PDE4D: variants seen among roughly 807,000 people sequenced by gnomAD.
PDE4D encodes the protein phosphodiesterase 4D, also known as 3',5'-cyclic-AMP phosphodiesterase 4D.
A neutral mutation model predicts 87.4 loss-of-function variants in PDE4D; 24 were observed. That is an observed-to-expected ratio of 0.27 (90% confidence interval 0.20 to 0.39). The LOEUF (loss-of-function observed/expected upper bound fraction) is 0.39. Ranked by LOEUF, PDE4D falls within the 10% of genes least tolerant of loss-of-function variation. The pLI, the probability that PDE4D is intolerant of heterozygous loss-of-function variation, is 1.00. For missense variants in PDE4D, 714 were observed against 1,041.0 expected (o/e 0.69, Z 4.32); for synonymous variants, 384 against 383.2 (o/e 1.00, Z -0.02).
intron 1 of PDE4D, among the ~76,000 whole-genome samples, chr5:59,760,729 T>C (rs1177979238): frequency 1.3e-5 from 2 of 152,198 alleles, no homozygotes; most frequent in African/African-American, 4.8e-5. Flanking sequence ...TACCCATGAA[T>C]ATTAGTTTTT....
chr5:59,193,357 T>C (rs569718199), intron 3 of PDE4D, 143 bp downstream of exon 3: 25 of 797,464 alleles, frequency 3.1e-5, no homozygotes, highest in Admixed American at 1.3e-4. Context: ...TAGCATTGCT[T>C]TTGAATTGCT....
chr5:59,120,256 T>TAAA (rs911637904), intron 5 of PDE4D, among the ~76,000 whole-genome samples: 2 of 152,176 alleles, frequency 1.3e-5, no homozygotes, highest in Non-Finnish European at 2.9e-5. Context: ...ACACTTTTTA[T>TAAA]AAACAAGCTG....
chr5:59,559,137 A>G (rs1226638292), intron 1 of PDE4D, among the ~76,000 whole-genome samples: 2 of 152,220 alleles, frequency 1.3e-5, no homozygotes, highest in Non-Finnish European at 2.9e-5. Context: ...TTATTAAATG[A>G]GTCTATTAGC....
intron 1 of PDE4D, among the ~76,000 whole-genome samples, chr5:59,823,978 C>A (rs1350914696): frequency 9.9e-5 from 15 of 151,676 alleles, no homozygotes; most frequent in Admixed American, 9.2e-4. Flanking sequence ...CTCTCCATTG[C>A]ATCACCCAGT....
At chr5:60,026,190 C>A (rs1294812617) in intron 2 of PDE4D, among the ~76,000 whole-genome samples, 5 of 152,168 alleles carry the variant, frequency 3.3e-5, no homozygotes, top group African/African-American at 1.2e-4. Context: ...ATTCATATTT[C>A]TTCATTGAAA....
intron 1 of PDE4D, among the ~76,000 whole-genome samples, chr5:60,500,157 T>C (rs776842274): frequency 4.6e-5 from 7 of 151,408 alleles, no homozygotes; most frequent in Non-Finnish European, 8.8e-5. Flanking sequence ...ATAAAAAAAT[T>C]AGCTGGGTGT....
chr5:60,344,931 A>G (rs1758616142), intron 1 of PDE4D, among the ~76,000 whole-genome samples: 1 of 152,132 alleles, frequency 6.6e-6, no homozygotes, highest in Non-Finnish European at 1.5e-5. Context: ...AAATACGAAG[A>G]GTATAAAGGA....
At position 60,308,583 on chromosome 5, in the gene PDE4D, G is replaced by A. The variant is rs1233513444; in HGVS notation, c.-89-122896C>T. 5.9e-5 allele frequency among the ~76,000 whole-genome samples: 9 copies of A among 152,172 alleles called. No homozygotes were observed. The East Asian group carries it at 1.3e-3, about 23-fold the overall frequency. ...TAAAAAGTAGAGCCAGAAACCCCAC[G>A]AAGGCTTGTGTTTCTAAATGTTGCC... On this transcript the variant is annotated intron_variant, in intron 1 of 16. Coordinates refer to the PDE4D transcript ENST00000502484.
chr5:60,499,461 C>A (rs1204338773), intron 1 of PDE4D, among the ~76,000 whole-genome samples: 1 of 152,158 alleles, frequency 6.6e-6, no homozygotes, highest in Non-Finnish European at 1.5e-5. Flanking sequence ...TTAAAACTGT[C>A]ATGAAAGTTG....
At position 59,848,558 on chromosome 5, in the gene PDE4D, T is replaced by G. The variant is rs954921951; in HGVS notation, c.455+44610A>C. Among the ~76,000 whole-genome samples, 3 of 148,724 alleles carry G rather than the reference T, an allele frequency of 2.0e-5. No individual in the cohort carries two copies. In the East Asian group the frequency reaches 5.8e-4, roughly 29 times the overall value. On this transcript the variant is annotated intron_variant, in intron 1 of 14. Transcript: ENST00000340635. ...CTTTCTAATGCGATTAAATGCAGAT[T>G]ATCAAACTGCATGTATCTATGTATA...
intron 1 of PDE4D, among the ~76,000 whole-genome samples, chr5:59,381,013 T>C (rs1785706113): frequency 6.6e-6 from 1 of 152,164 alleles, no homozygotes; most frequent in Non-Finnish European, 1.5e-5. Context: ...AAGGCTAAAA[T>C]ATTTACTATC....
intron 1 of PDE4D, among the ~76,000 whole-genome samples, chr5:59,428,810 G>A (rs1795688575): frequency 6.6e-6 from 1 of 152,058 alleles, no homozygotes; most frequent in Admixed American, 6.6e-5. Context: ...AGCTCCAGAT[G>A]TAATAAGTTA....
Position 60,427,362 on chromosome 5 carries a change from A to C in PDE4D, c.-90+60580T>G, listed in dbSNP as rs1743813746. Among the ~76,000 whole-genome samples the C allele has an allele frequency of 2.6e-5, 4 of 152,326 alleles. No homozygotes were observed. In the South Asian group the frequency reaches 8.3e-4, roughly 32 times the overall value. ...CAAGGATAAGAATGATCATGGGCTT[A>C]TGAGAAACAGTGGGGACTGAAAACC... On this transcript the variant is annotated intron_variant, in intron 1 of 16. Transcript: ENST00000502484.
At chr5:60,283,433 C>T (rs551654783) in intron 1 of PDE4D, among the ~76,000 whole-genome samples, 32 of 152,096 alleles carry the variant, frequency 2.1e-4, no homozygotes, top group Non-Finnish European at 4.1e-4. Context: ...TGCTCCTAAT[C>T]ATTTGATGTA....
chr5:59,268,978 G>T (rs1275902008), intron 1 of PDE4D, among the ~76,000 whole-genome samples: 1 of 151,902 alleles, frequency 6.6e-6, no homozygotes, highest in Admixed American at 6.6e-5. Context: ...TGATTCAATA[G>T]AATTCACTAC....
chr5:59,257,073 T>C (rs1761123403), intron 1 of PDE4D, among the ~76,000 whole-genome samples: 1 of 152,086 alleles, frequency 6.6e-6, no homozygotes, highest in Non-Finnish European at 1.5e-5. Flanking sequence ...TGTTATGATG[T>C]TGAAATAATT....
chr5:59,962,479 A>G lies in PDE4D; in HGVS notation c.272+26009T>C, dbSNP rs550662529. On this transcript the variant is annotated intron_variant, in intron 3 of 16. Coordinates refer to the PDE4D transcript ENST00000502484. ...AGTCAACATACACACCCACAAACAC[A>G]CACACCACATCGAATGCCCTGAAAT... Among the ~76,000 whole-genome samples, 74 of 152,236 alleles carry G rather than the reference A, an allele frequency of 4.9e-4. No individual in the cohort carries two copies. In the Middle Eastern group the frequency reaches 0.01, roughly 21 times the overall value.
intron 1 of PDE4D, among the ~76,000 whole-genome samples, chr5:59,367,124 G>T (rs1043779706): frequency 6.6e-6 from 1 of 152,138 alleles, no homozygotes; most frequent in Non-Finnish European, 1.5e-5. Flanking sequence ...TTCAAAGAAC[G>T]TGTATTTGCA....
chr5:59,479,854 T>C (rs1803946556), intron 1 of PDE4D, among the ~76,000 whole-genome samples: 1 of 152,124 alleles, frequency 6.6e-6, no homozygotes, highest in Admixed American at 6.6e-5. Context: ...TATTTAGTCA[T>C]AAGCTTAATC....
Sources: gnomAD v4.1 joint callset for allele counts (sites outside exome capture counted in the v4.1 genomes callset) on GRCh38, gnomAD v4.1.1 for gene constraint, MANE v1.5 for transcripts, NCBI Gene and HGNC (gene_info 2026-07-23, HGNC 2026-07-21) for gene names.